Variants in PRICKLE1 observed in about 807,000 individuals in gnomAD.
PRICKLE1 encodes prickle planar cell polarity protein 1.
PRICKLE1 carries 14 observed loss-of-function variants against 70.2 expected under a neutral mutation model. The ratio of observed to expected loss-of-function variants is 0.20; its 90% CI spans 0.13 to 0.31. The LOEUF (loss-of-function observed/expected upper bound fraction) is 0.31. Among genes scored for constraint, PRICKLE1 ranks in the 10% least tolerant of loss-of-function variants. The pLI is 1.00. For synonymous variants in PRICKLE1, 357 were observed against 379.9 expected (o/e 0.94, Z 0.70); for missense variants, 821 against 1,026.2 (o/e 0.80, Z 2.73).
intron 1 of PRICKLE1, among the ~76,000 whole-genome samples, chr12:42,570,747 G>A (rs1374693826): frequency 2.0e-5 from 3 of 152,184 alleles, no homozygotes; most frequent in Non-Finnish European, 4.4e-5. Flanking sequence ...TTGAACCCGG[G>A]AGGCGGAGGT....
At chr12:42,533,011 A>T (rs1194471369) in intron 1 of PRICKLE1, among the ~76,000 whole-genome samples, 1 of 152,224 alleles carries the variant, frequency 6.6e-6, no homozygotes, top group Admixed American at 6.5e-5. Context: ...TAGTGGTTAC[A>T]GTATTAAATA....
intron 1 of PRICKLE1, among the ~76,000 whole-genome samples, chr12:42,481,200 G>A (rs1938779589): frequency 6.6e-6 from 1 of 152,154 alleles, no homozygotes; most frequent in Admixed American, 6.5e-5. Flanking sequence ...GGTTGTAACT[G>A]TATATCAGGT....
intron 1 of PRICKLE1, among the ~76,000 whole-genome samples, chr12:42,559,622 A>T (rs2406867): frequency 0.22 from 15,134 of 67,804 alleles, 1,698 homozygotes; most frequent in South Asian, 0.36. Context: ...ATATATATAT[A>T]TATTTTTTTT....
intron 1 of PRICKLE1, among the ~76,000 whole-genome samples, chr12:42,553,825 G>A (rs1277092715): frequency 6.6e-6 from 1 of 152,074 alleles, no homozygotes; most frequent in Non-Finnish European, 1.5e-5. Context: ...GACAAATGCC[G>A]GGCGCAGGGG....
chr12:42,460,355 A>C lies in PRICKLE1; in HGVS notation c.1950T>G (p.Pro650=). The change falls in exon 8 of 8, where the codon CCT becomes CCG. Residue 650 remains proline, a synonymous_variant. Coordinates refer to ENST00000345127, the MANE Select transcript of PRICKLE1 (RefSeq NM_153026.3). ...NGNYDIEIRQ[P]PMSERTRRRV... ...GTCTCCGAGTCCTTTCACTCATCGG[A>C]GGCTGCCGGATTTCAATGTCATAGT... 1 of 1,614,046 alleles carries C rather than the reference A, an allele frequency of 6.2e-7. No individual in the cohort carries two copies.
chr12:42,512,330 C>T (rs1939528982), intron 1 of PRICKLE1, among the ~76,000 whole-genome samples: 1 of 133,488 alleles, frequency 7.5e-6, no homozygotes, highest in African/African-American at 2.4e-5. Flanking sequence ...GGCACCATGC[C>T]CAGCTAATTT....
chr12:42,582,471 T>C (rs1477862904), intron 1 of PRICKLE1, among the ~76,000 whole-genome samples: 1 of 152,250 alleles, frequency 6.6e-6, no homozygotes, highest in Non-Finnish European at 1.5e-5. Context: ...CAGACCTAAC[T>C]TTATCTCTTT....
chr12:42,529,034 ATTTTTTT>A (rs1307728481), intron 1 of PRICKLE1, among the ~76,000 whole-genome samples: 3 of 152,018 alleles, frequency 2.0e-5, no homozygotes, highest in Non-Finnish European at 4.4e-5. Flanking sequence ...TTTATTTTTT[ATTTTTTT>A]ATGAATGGAT....
In PRICKLE1 at chr12:42,460,248, G is replaced by A; in HGVS notation, c.2057C>T (p.Ala686Val). ...TTTTCTTTCTGTAACAAGATTCAGGGCATTGTCGGAGCGGGACTTTCTACT... is the reference window on the plus strand; with the variant it reads ...TTTTCTTTCTGTAACAAGATTCAGGACATTGTCGGAGCGGGACTTTCTACT... ...RRSRKSRSDN[A>V]LNLVTERKYS... is the part of the protein sequence containing the mutation. The change falls in exon 8 of 8, where the codon GCC becomes GTC. Residue 686 changes from alanine (A) to valine (V), a missense_variant. Coordinates refer to ENST00000345127, the MANE Select transcript of PRICKLE1 (RefSeq NM_153026.3). 1.2e-6 allele frequency: 2 copies of A among 1,614,174 alleles called. No homozygotes were observed. Among genetic ancestry groups the A allele is most frequent in the Non-Finnish European group, 1.7e-6 (2 of 1,180,020 alleles).
intron 1 of PRICKLE1, among the ~76,000 whole-genome samples, chr12:42,528,825 A>T (rs2120530305): frequency 6.6e-6 from 1 of 152,350 alleles, no homozygotes; most frequent in East Asian, 1.9e-4. Flanking sequence ...TGTAAGCTAG[A>T]CAACAAACAT....
chr12:42,460,281 C>T lies in PRICKLE1; in HGVS notation c.2024G>A (p.Arg675His), dbSNP rs1233536174. 9 of 1,613,994 alleles carry T rather than the reference C, an allele frequency of 5.6e-6. No individual in the cohort carries two copies. Among genetic ancestry groups the T allele is most frequent in the South Asian group, 2.2e-5 (2 of 91,084 alleles). The change falls in exon 8 of 8, where the codon CGC becomes CAC. Residue 675 changes from arginine (R) to histidine (H), a missense_variant. By Grantham distance (29) the Arg-to-His change is conservative. Transcript: ENST00000345127. ...GGAGCGGGACTTTCTACTTCTCCGG[C>T]GGCGGTGGTGATGAGACCTGGATCC... is the stretch of plus-strand genomic sequence containing the variant. ...ERGSRSHHHR[R>H]RRSRKSRSDN...
At chr12:42,492,537 A>G (rs1192825788) in intron 1 of PRICKLE1, among the ~76,000 whole-genome samples, 1 of 152,222 alleles carries the variant, frequency 6.6e-6, no homozygotes, top group East Asian at 1.9e-4. Flanking sequence ...AAAGCTTTCC[A>G]TAACATTTCT....
intron 1 of PRICKLE1, among the ~76,000 whole-genome samples, chr12:42,496,046 G>GC (rs1478868169): frequency 6.6e-6 from 1 of 152,176 alleles, no homozygotes; most frequent in Non-Finnish European, 1.5e-5. Context: ...AGTTTACTTT[G>GC]CCCAGATCCA....
intron 1 of PRICKLE1, among the ~76,000 whole-genome samples, chr12:42,572,689 T>C (rs964769813): frequency 1.3e-5 from 2 of 151,882 alleles, no homozygotes; most frequent in Non-Finnish European, 2.9e-5. Context: ...CAGCAAGGCA[T>C]GGTGGCATGC....
intron 1 of PRICKLE1, among the ~76,000 whole-genome samples, chr12:42,498,795 G>A (rs147958646): frequency 2.6e-4 from 39 of 152,178 alleles, no homozygotes; most frequent in Non-Finnish European, 4.3e-4. Context: ...CCACCCATAT[G>A]TTTCATTCTG....
intron 1 of PRICKLE1, among the ~76,000 whole-genome samples, chr12:42,509,611 T>G (rs1169164669): frequency 6.6e-6 from 1 of 152,102 alleles, no homozygotes; most frequent in African/African-American, 2.4e-5. Context: ...GGACAAAGGT[T>G]TGTTGAGTAC....
intron 5 of PRICKLE1, among the ~76,000 whole-genome samples, chr12:42,467,097 GTTCT>G (rs1367187712): frequency 1.3e-5 from 2 of 151,862 alleles, no homozygotes; most frequent in Non-Finnish European, 2.9e-5. Context: ...GTCTAGTCTG[GTTCT>G]TTTTTTATTT....
intron 1 of PRICKLE1, among the ~76,000 whole-genome samples, chr12:42,476,437 C>T (rs1484951658): frequency 6.6e-6 from 1 of 151,888 alleles, no homozygotes; most frequent in African/African-American, 2.4e-5. Flanking sequence ...CCACTTCGGC[C>T]TCTCAAAGTG....
chr12:42,470,163 G>T, intron 3 of PRICKLE1, 83 bp downstream of exon 3: 1 of 1,014,628 alleles, frequency 9.9e-7, no homozygotes, highest in Non-Finnish European at 1.6e-6. Context: ...CCAGTGAGGA[G>T]TTGGGGTTTA....
Sources: gnomAD v4.1 joint callset for allele counts (sites outside exome capture counted in the v4.1 genomes callset) on GRCh38, gnomAD v4.1.1 for gene constraint, MANE v1.5 for transcripts, NCBI Gene and HGNC (gene_info 2026-07-23, HGNC 2026-07-21) for gene names.